The following BNIP3L variants were observed in gnomAD, a reference collection of about 807,000 sequenced individuals.
BNIP3L encodes BCL2/adenovirus E1B 19 kDa protein-interacting protein 3-like.
In BNIP3L, 10 loss-of-function variants were observed where a neutral mutation model predicts 25.5. That is an observed-to-expected ratio of 0.39 (90% CI 0.24 to 0.67). The LOEUF is 0.67. Ranked by LOEUF, BNIP3L falls within the 30% of genes least tolerant of loss-of-function variation. The probability of loss-of-function intolerance (pLI) is 0.45; values close to 1 mark genes in which losing one functional copy is unlikely to be tolerated. For missense variants in BNIP3L, 215 were observed against 270.9 expected (o/e 0.79, Z 1.45); for synonymous variants, 113 against 101.2 (o/e 1.12, Z -0.70).
intron 1 of BNIP3L, among the ~76,000 whole-genome samples, 164 bp from the exon 2 acceptor site, chr8:26,391,079 T>G (rs1340920502): frequency 6.6e-6 from 1 of 152,234 alleles, no homozygotes; most frequent in Admixed American, 6.5e-5. Context: ...CAGAACTATA[T>G]AGATCTTTAG....
At chr8:26,401,572 A>C (rs1043907767) in intron 3 of BNIP3L, among the ~76,000 whole-genome samples, 1 of 151,444 alleles carries the variant, frequency 6.6e-6, no homozygotes, top group Admixed American at 6.6e-5. Context: ...AAAAAAAAAA[A>C]ACAAAAAAAA....
rs1446477324 is a variant in BNIP3L, at chr8:26,410,983, T to C, written c.*571T>C. 2 of 152,328 alleles carry C rather than the reference T, an allele frequency of 1.3e-5. No individual in the cohort carries two copies. Among genetic ancestry groups the C allele is most frequent in the African/African-American group, 4.8e-5 (2 of 41,404 alleles). The allele number at this position is 152,328 out of a possible 1,614,324, so 9.4% of individuals were successfully genotyped here. ...AATATCCTGGGCAATAAAAAAAATATTTTAAACCAGCTTTGGAGCCACTTT... is the reference window on the plus strand; with the variant it reads ...AATATCCTGGGCAATAAAAAAAATACTTTAAACCAGCTTTGGAGCCACTTT... On this transcript the variant is annotated 3_prime_UTR_variant, in exon 6 of 6. Transcript: ENST00000380629.
Position 26,408,055 on chromosome 8 carries a change from C to G in BNIP3L, c.413C>G (p.Ala138Gly). ...EKEVEALKKS[A>G]DWVSDWSSRP... ...GAAGTCGAGGCTTTGAAGAAAAGTG[C>G]GGACTGGGTATCAGACTGGTCCAGT... Residue 138 changes from alanine to glycine, a missense_variant, in exon 4 of 6, where the codon GCG becomes GGG. By Grantham distance (60) the Ala-to-Gly change is moderately conservative. Transcript: ENST00000380629. 1.2e-6 allele frequency: 2 copies of G among 1,614,160 alleles called. No individual in the cohort carries two copies. Among genetic ancestry groups the G allele is most frequent in the Non-Finnish European group, 1.7e-6 (2 of 1,180,026 alleles).
intron 5 of BNIP3L, among the ~76,000 whole-genome samples, chr8:26,409,875 T>C (rs934279071): frequency 6.6e-6 from 1 of 152,212 alleles, no homozygotes; most frequent in East Asian, 1.9e-4. Context: ...AAAAGTATTA[T>C]AAGGCCCCTA....
intron 1 of BNIP3L, 37 bp from the exon 2 acceptor site, chr8:26,391,206 G>T (rs1296481278): frequency 2.6e-6 from 4 of 1,535,610 alleles, no homozygotes; most frequent in Admixed American, 3.9e-5. Context: ...ACAGATTTCA[G>T]TTCTGCTGTG....
intron 1 of BNIP3L, among the ~76,000 whole-genome samples, chr8:26,389,389 C>T (rs914413788): frequency 2.6e-5 from 4 of 151,970 alleles, no homozygotes; most frequent in Non-Finnish European, 4.4e-5. Context: ...CAGAGGCACT[C>T]GAGATAAATT....
intron 3 of BNIP3L, among the ~76,000 whole-genome samples, chr8:26,406,884 A>G (rs566558368): frequency 1.3e-5 from 2 of 150,612 alleles, no homozygotes; most frequent in African/African-American, 4.8e-5. Flanking sequence ...AATAAATACT[A>G]TTATTTATTT....
At chr8:26,384,861 T>C (rs1805955349) in intron 1 of BNIP3L, among the ~76,000 whole-genome samples, 1 of 151,276 alleles carries the variant, frequency 6.6e-6, no homozygotes, top group African/African-American at 2.4e-5. Flanking sequence ...CCCGCCCAGC[T>C]AATTTTTGTA....
chr8:26,394,403 C>T (rs1156336036), intron 2 of BNIP3L, among the ~76,000 whole-genome samples: 1 of 152,032 alleles, frequency 6.6e-6, no homozygotes, highest in Non-Finnish European at 1.5e-5. Flanking sequence ...CATACCTTTA[C>T]ATTCTTAAAA....
At chr8:26,395,595 C>A (rs1585434139) in intron 3 of BNIP3L, 1 of 293,146 alleles carries the variant, frequency 3.4e-6, no homozygotes, top group Non-Finnish European at 6.4e-6. Context: ...GAGATAGATG[C>A]TTTAAGACCA....
At chr8:26,392,318 A>G (rs1806132133) in intron 2 of BNIP3L, among the ~76,000 whole-genome samples, 1 of 152,162 alleles carries the variant, frequency 6.6e-6, no homozygotes, top group Admixed American at 6.5e-5. Context: ...AGAAAATGCA[A>G]ATGCACGGGA....
intron 1 of BNIP3L, among the ~76,000 whole-genome samples, chr8:26,384,149 C>A (rs935449140): frequency 1.3e-5 from 2 of 152,176 alleles, no homozygotes; most frequent in South Asian, 4.1e-4. Flanking sequence ...CGGGAGCCTT[C>A]TTGGAAGGGT....
rs1563345288 is a variant in BNIP3L at position 26,412,011 on chromosome 8, T to C, written c.*1599T>C. ...ATGTGTTATAGTGGAAAATAACATATAGATTAAACAAAATTTTTATCTTTT... is the reference window on the plus strand; with the variant it reads ...ATGTGTTATAGTGGAAAATAACATACAGATTAAACAAAATTTTTATCTTTT... On this transcript the variant is annotated 3_prime_UTR_variant, in exon 6 of 6. Transcript: ENST00000380629. The C allele has an allele frequency of 6.6e-6, 1 of 152,630 alleles. No homozygotes were observed. The highest frequency in any genetic ancestry group is 2.4e-5 in the African/African-American group (1 of 41,464). The allele number at this position is 152,630 out of a possible 1,614,324, so 9.5% of individuals were successfully genotyped here.
intron 3 of BNIP3L, among the ~76,000 whole-genome samples, chr8:26,405,383 C>T (rs1038024700): frequency 6.6e-6 from 1 of 152,172 alleles, no homozygotes; most frequent in Non-Finnish European, 1.5e-5. Flanking sequence ...AGAGCCAACT[C>T]ATGATTCTGA....
At chr8:26,408,535 A>G (rs1806549415) in intron 5 of BNIP3L, among the ~76,000 whole-genome samples, 159 bp downstream of exon 5, 1 of 152,216 alleles carries the variant, frequency 6.6e-6, no homozygotes, top group South Asian at 2.1e-4. Context: ...TGTTCTACAA[A>G]TAAGCATTTT....
chr8:26,398,972 G>A (rs963495489), intron 3 of BNIP3L, among the ~76,000 whole-genome samples: 35 of 151,248 alleles, frequency 2.3e-4, no homozygotes, highest in South Asian at 6.3e-4. Flanking sequence ...ATTCACAGCC[G>A]AATTCTACCA....
chr8:26,410,341 A>G (rs762342912), intron 5 of BNIP3L, 23 bp from the exon 6 acceptor site: 5 of 1,614,002 alleles, frequency 3.1e-6, no homozygotes, highest in Admixed American at 1.7e-5. Flanking sequence ...CAGGTGAAAC[A>G]TGATGCTTCT....
chr8:26,387,970 T>C (rs1806026219), intron 1 of BNIP3L, among the ~76,000 whole-genome samples: 1 of 152,208 alleles, frequency 6.6e-6, no homozygotes, highest in South Asian at 2.1e-4. Context: ...TCAGTATATA[T>C]TGATAGGGAA....
At chr8:26,386,085 C>G (rs574545938) in intron 1 of BNIP3L, among the ~76,000 whole-genome samples, 3 of 152,116 alleles carry the variant, frequency 2.0e-5, no homozygotes, top group Admixed American at 6.5e-5. Context: ...GATTATCTTG[C>G]GTTTGGGATT....
Sources: allele counts gnomAD v4.1 joint callset (sites outside exome capture counted in the v4.1 genomes callset), GRCh38; gene constraint gnomAD v4.1.1; transcripts MANE v1.5; gene names NCBI Gene and HGNC (gene_info 2026-07-23, HGNC 2026-07-21).